The following SUPT6H variants were observed in gnomAD, a reference collection of about 807,000 sequenced individuals.
SUPT6H encodes transcription elongation factor SPT6.
A neutral mutation model predicts 222.3 loss-of-function variants in SUPT6H; 11 were observed. The ratio of observed to expected loss-of-function variants is 0.05; its 90% CI spans 0.03 to 0.08. The LOEUF (loss-of-function observed/expected upper bound fraction) is 0.08. Ranked by LOEUF, SUPT6H falls within the 10% of genes least tolerant of loss-of-function variation. SUPT6H has a pLI of 1.00. For synonymous variants in SUPT6H, 762 were observed against 801.2 expected, an observed-to-expected ratio of 0.95 and a Z score of 0.83; for missense variants, 1,422 against 2,216.0, an observed-to-expected ratio of 0.64 and a Z score of 7.19.
At position 28,687,372 on chromosome 17, in the gene SUPT6H, C is replaced by G. The variant is rs191022012; in HGVS notation, c.2907C>G (p.Val969=). Residue 969 remains valine (V), a synonymous_variant, in exon 23 of 37, where the codon GTC becomes GTG. Transcript: ENST00000314616. ...YCEFINRVNE[V]GVDVNRAIAH... ...AATTTATCAACCGAGTCAATGAGGT[C>G]GGGGTCGATGTCAACCGTGCCATTG... is the stretch of plus-strand genomic sequence containing the variant. 2.5e-6 allele frequency: 4 copies of G among 1,614,136 alleles called. No individual in the cohort carries two copies. The African/African-American group carries it at 5.3e-5, about 22-fold the overall frequency.
chr17:28,678,782 C>T, intron 10 of SUPT6H, 39 bp from the exon 11 acceptor site: 2 of 1,613,962 alleles, frequency 1.2e-6, no homozygotes, highest in Middle Eastern at 1.7e-4. Flanking sequence ...GTCTCCAGGG[C>T]TGAACACAAG....
chr17:28,675,579 TC>T, intron 6 of SUPT6H, 94 bp downstream of exon 6: 1 of 1,344,176 alleles, frequency 7.4e-7, no homozygotes, highest in Middle Eastern at 2.1e-4. Context: ...AATGGGGCAT[TC>T]CCAGCTTGCA....
At chr17:28,697,802 T>A in intron 31 of SUPT6H, 69 bp downstream of exon 31, 2 of 1,607,486 alleles carry the variant, frequency 1.2e-6, no homozygotes, top group Non-Finnish European at 1.7e-6. Context: ...CCCTTCAGTA[T>A]AGGGGACACT....
At chr17:28,687,571 T>G in intron 23 of SUPT6H, 100 bp downstream of exon 23, 1 of 1,333,800 alleles carries the variant, frequency 7.5e-7, no homozygotes, top group Non-Finnish European at 1.0e-6. Context: ...AGGACCAAGG[T>G]CAGTGACTTG....
chr17:28,700,921 A>G lies in SUPT6H; in HGVS notation c.4807-20A>G. On this transcript the variant is annotated intron_variant, in intron 35 of 36. Coordinates refer to ENST00000314616, the MANE Select transcript of SUPT6H (RefSeq NM_003170.5). ...ACAAGCCCCACACCCATCCCTATTT[A>G]ACTGTTCATGCCTCTCCAGGTATTC... 1 of 1,597,788 alleles carries G rather than the reference A, an allele frequency of 6.3e-7. No individual in the cohort carries two copies. Among genetic ancestry groups the G allele is most frequent in the African/African-American group, 1.3e-5 (1 of 74,714 alleles).
chr17:28,700,562 T>G lies in SUPT6H; in HGVS notation c.4806+50T>G, dbSNP rs1050664617. On this transcript the variant is annotated intron_variant, in intron 35 of 36. Transcript: ENST00000314616. Reference sequence around the variant, plus strand: ...CCTGTGCAGGGTGGGGCCCATAGACTGCCCTCTCGCATTGCCCACAAGGGG... The same window carrying G: ...CCTGTGCAGGGTGGGGCCCATAGACGGCCCTCTCGCATTGCCCACAAGGGG... 5 of 1,585,874 alleles carry G rather than the reference T, an allele frequency of 3.2e-6. No homozygotes were observed. In the African/African-American group the frequency reaches 6.7e-5, roughly 21 times the overall value.
In SUPT6H at chr17:28,677,703, T is replaced by C. The variant is rs2030842781; in HGVS notation, c.898-12T>C. ...TAAAGTCCGTCTCACCCTGTTGTCTTATCCACTCCAGCTCCGCTCCATCCC... is the reference window on the plus strand; with the variant it reads ...TAAAGTCCGTCTCACCCTGTTGTCTCATCCACTCCAGCTCCGCTCCATCCC... On this transcript the variant is annotated splice_polypyrimidine_tract_variant and intron_variant, in intron 7 of 36. Transcript: ENST00000314616. The C allele has an allele frequency of 3.1e-6, 5 of 1,607,722 alleles. No homozygotes were observed. In the African/African-American group the frequency reaches 4.0e-5, roughly 13 times the overall value.
intron 32 of SUPT6H, among the ~76,000 whole-genome samples, 185 bp from the exon 33 acceptor site, chr17:28,699,596 C>G (rs113681923): frequency 5.5e-4 from 83 of 152,284 alleles, no homozygotes; most frequent in African/African-American, 1.9e-3. Context: ...CCACTGACTC[C>G]TTGGTCTTCA....
chr17:28,663,828 A>ATTCTTTTTTTTTTTTTTTT (rs2072113524), intron 1 of SUPT6H, among the ~76,000 whole-genome samples: 1 of 38,374 alleles, frequency 2.6e-5, no homozygotes, highest in Non-Finnish European at 4.7e-5. Flanking sequence ...TGCCCACTCC[A>ATTCTTTTTTTTTTTTTTTT]TTTTTTTTTT....
In SUPT6H at chr17:28,688,516, G is replaced by A. The variant is rs892916217; in HGVS notation, c.3134+298G>A. ...ACAAACTTGCTTTTTTATTATTATG[G>A]TTTGTTGTGGCCAGATAAGGGTGGG... is the stretch of plus-strand genomic sequence containing the variant. On this transcript the variant is annotated intron_variant, in intron 24 of 36. Coordinates refer to ENST00000314616, the MANE Select transcript of SUPT6H (RefSeq NM_003170.5). This position sits in a 1 kb window ranked among gnomAD's most constrained non-coding sequence, Gnocchi z 4.3. 9.7e-6 allele frequency: 2 copies of A among 205,244 alleles called. No homozygotes were observed. Among genetic ancestry groups the A allele is most frequent in the Non-Finnish European group, 1.9e-5 (2 of 102,940 alleles). 12.7% of individuals were successfully genotyped at this position (205,244 alleles called of 1,614,324 possible). A position where few individuals can be genotyped will look rare whatever the true frequency, so the allele number is the denominator to read the frequency against.
At chr17:28,682,120 C>A in intron 13 of SUPT6H, 140 bp downstream of exon 13, 1 of 624,080 alleles carries the variant, frequency 1.6e-6, no homozygotes, top group Non-Finnish European at 2.7e-6. Context: ...ATTAGCTGGT[C>A]TTTAAAAATA....
At chr17:28,679,679 C>T (rs891958153) in intron 11 of SUPT6H, among the ~76,000 whole-genome samples, 4 of 151,764 alleles carry the variant, frequency 2.6e-5, no homozygotes, top group African/African-American at 7.3e-5. Context: ...TGCGCCCGGC[C>T]GATCCTGTCT....
rs533713495 is a variant in SUPT6H at position 28,681,265 on chromosome 17, T to C, written c.1359T>C (p.Asp453=). ...GTCTCTTCTTTTTCAGGCTCAAGGA[T>C]GTCCAATCAATGGATGAGCTGAAAG... is the stretch of plus-strand genomic sequence containing the variant. ...LDTTDMERLK[D]VQSMDELKDV... Residue 453 remains aspartate (D), a synonymous_variant, in exon 12 of 37, where the codon GAT becomes GAC. Coordinates refer to ENST00000314616, the MANE Select transcript of SUPT6H (RefSeq NM_003170.5). 5 of 1,613,902 alleles carry C rather than the reference T, an allele frequency of 3.1e-6. No individual in the cohort carries two copies. Among genetic ancestry groups the C allele is most frequent in the Non-Finnish European group, 4.2e-6 (5 of 1,179,956 alleles).
chr17:28,681,300 A>T lies in SUPT6H; in HGVS notation c.1394A>T (p.Asn465Ile). 3 of 1,614,016 alleles carry T rather than the reference A, an allele frequency of 1.9e-6. No homozygotes were observed. The highest frequency in any genetic ancestry group is 2.5e-6 in the Non-Finnish European group (3 of 1,179,988). Residue 465 changes from asparagine to isoleucine, a missense_variant, in exon 12 of 37, where the codon AAC becomes ATC. Physicochemically the swap from Asn to Ile is moderately radical, Grantham distance 149. Around this residue, in one of 13 missense-constraint regions of SUPT6H, gnomAD observed 389 missense variants for 544.6 expected, o/e 0.71. Coordinates refer to ENST00000314616, the MANE Select transcript of SUPT6H (RefSeq NM_003170.5). ...ATGGATGAGCTGAAAGATGTCTACA[A>T]CCATTTTCTTCTTTATTATGGCCGA... The part of the protein sequence containing the change: ...QSMDELKDVY[N>I]HFLLYYGRDI...
chr17:28,673,264 G>A, intron 1 of SUPT6H, 107 bp from the exon 2 acceptor site: 1 of 636,402 alleles, frequency 1.6e-6, no homozygotes, highest in Non-Finnish European at 2.8e-6. Flanking sequence ...AATGTTGAGT[G>A]GGCAGAGCAG....
In SUPT6H at chr17:28,678,198, A is replaced by G. The variant is rs747410621; in HGVS notation, c.1116+6A>G. 15 of 1,607,120 alleles carry G rather than the reference A, an allele frequency of 9.3e-6. No individual in the cohort carries two copies. Among genetic ancestry groups the G allele is most frequent in the Non-Finnish European group, 1.3e-5 (15 of 1,177,230 alleles). On this transcript the variant is annotated splice_donor_region_variant and intron_variant, in intron 9 of 36. Transcript: ENST00000314616. The stretch of plus-strand genomic sequence containing the variant: ...TGCGAAATCAGCATTTTGAGGTAAC[A>G]CCTCAAGCTCTGGTGGCCCATTGGT...
At position 28,687,079 on chromosome 17, in the gene SUPT6H, T is replaced by C. The variant is rs2031420193; in HGVS notation, c.2701-9T>C. On this transcript the variant is annotated splice_polypyrimidine_tract_variant and intron_variant, in intron 21 of 36. Coordinates refer to ENST00000314616, the MANE Select transcript of SUPT6H (RefSeq NM_003170.5). ...TTTTAAGGCCCTGCTGACCCTCGTTTGACTCTAGGCAGAGTTCCGGGATTA... is the reference window on the plus strand; with the variant it reads ...TTTTAAGGCCCTGCTGACCCTCGTTCGACTCTAGGCAGAGTTCCGGGATTA... The C allele has an allele frequency of 6.2e-7, 1 of 1,612,170 alleles. No homozygotes were observed. The highest frequency in any genetic ancestry group is 1.7e-5 in the Admixed American group (1 of 59,988).
Position 28,701,866 on chromosome 17 carries a change from G to T in SUPT6H, c.*241G>T. On this transcript the variant is annotated 3_prime_UTR_variant, in exon 37 of 37. Coordinates refer to ENST00000314616, the MANE Select transcript of SUPT6H (RefSeq NM_003170.5). ...ACCACCTGTCCTGGGACCAGGCTGG[G>T]AGGGGAGTGTGGCAGGGAGGAGGAA... is the stretch of plus-strand genomic sequence containing the variant. The T allele has an allele frequency of 1.9e-6, 1 of 515,832 alleles. No homozygotes were observed. Among genetic ancestry groups the T allele is most frequent in the Non-Finnish European group, 3.4e-6 (1 of 290,284 alleles). 32.0% of individuals were successfully genotyped at this position (515,832 alleles called of 1,614,324 possible).
intron 1 of SUPT6H, among the ~76,000 whole-genome samples, chr17:28,665,435 C>T (rs1043338715): frequency 1.3e-5 from 2 of 152,144 alleles, no homozygotes; most frequent in African/African-American, 2.4e-5. Context: ...TAGTCTTGTA[C>T]GTGCCTGGCA....
Sources: gnomAD v4.1 joint callset for allele counts (sites outside exome capture counted in the v4.1 genomes callset) on GRCh38, gnomAD v4.1.1 for gene constraint, gnomAD v4.1.1 regional missense constraint, Gnocchi (gnomAD v3.1) non-coding constraint, MANE v1.5 for transcripts, NCBI Gene and HGNC (gene_info 2026-07-23, HGNC 2026-07-21) for gene names.